Variants in ASIC2 observed in about 807,000 individuals in gnomAD.
ASIC2 encodes the protein acid sensing ion channel subunit 2.
Under a neutral mutation model 57.3 loss-of-function variants are expected in ASIC2, and 25 were observed. The ratio of observed to expected loss-of-function variants is 0.44; its 90% CI spans 0.32 to 0.61. ASIC2 has a LOEUF of 0.61. ASIC2 is among the 20% of genes least tolerant of loss of function. The pLI, the probability that ASIC2 is intolerant of heterozygous loss-of-function variation, is 0.06. For missense variants in ASIC2, 641 were observed against 738.1 expected (o/e 0.87, Z 1.52); for synonymous variants, 319 against 307.5 (o/e 1.04, Z -0.39).
chr17:33,315,861 A>C (rs1453658755), intron 1 of ASIC2, among the ~76,000 whole-genome samples: 1 of 152,224 alleles, frequency 6.6e-6, no homozygotes, highest in Admixed American at 6.5e-5. Context: ...CTTTGACATC[A>C]AATAGACTTG....
chr17:33,458,675 A>C (rs2141994466), intron 1 of ASIC2, among the ~76,000 whole-genome samples: 1 of 152,286 alleles, frequency 6.6e-6, no homozygotes, highest in East Asian at 1.9e-4. Flanking sequence ...TCATAAAATG[A>C]TTATTGGTCA....
intron 1 of ASIC2, among the ~76,000 whole-genome samples, chr17:33,372,750 GC>G (rs1276976226): frequency 1.3e-5 from 2 of 152,198 alleles, no homozygotes; most frequent in African/African-American, 4.8e-5. Context: ...GGAGGTAACA[GC>G]TCCCAGTGGT....
intron 1 of ASIC2, among the ~76,000 whole-genome samples, chr17:33,717,679 A>C (rs556746433): frequency 6.6e-6 from 1 of 152,236 alleles, no homozygotes; most frequent in African/African-American, 2.4e-5. Context: ...CTAAGAGAGA[A>C]GAGCCACCCC....
chr17:33,296,017 A>G (rs1905705676), upstream of ASIC2, among the ~76,000 whole-genome samples: 1 of 152,042 alleles, frequency 6.6e-6, no homozygotes, highest in African/African-American at 2.4e-5. Context: ...TCCTTGGTGC[A>G]TGCACAGGAT....
At chr17:33,647,443 C>T (rs72811188) in intron 1 of ASIC2, among the ~76,000 whole-genome samples, 3,616 of 152,230 alleles carry the variant, frequency 0.024, 68 homozygotes, top group Non-Finnish European at 0.035. Context: ...GCACCACACC[C>T]CAAGACGCAG....
intron 4 of ASIC2, among the ~76,000 whole-genome samples, chr17:33,027,494 C>A (rs992757666): frequency 6.6e-6 from 1 of 152,228 alleles, no homozygotes; most frequent in Non-Finnish European, 1.5e-5. Context: ...TGCTAAATAA[C>A]AACCACTGAC....
At chr17:33,161,857 G>GTTTTTTTT (rs199823485) in intron 1 of ASIC2, among the ~76,000 whole-genome samples, 3 of 94,200 alleles carry the variant, frequency 3.2e-5, no homozygotes, top group Non-Finnish European at 6.2e-5. Flanking sequence ...GAATTCCTAG[G>GTTTTTTTT]TTTTTTTTTT....
At position 33,347,276 on chromosome 17, in the gene ASIC2, T is replaced by A. The variant is rs556280304; in HGVS notation, c.556-235209A>T. ...TTCAGTATGGAAATCTTAGAGAGTG[T>A]CTACCTAATTGCATTCAAGTATGTG... is the stretch of plus-strand genomic sequence containing the variant. On this transcript the variant is annotated intron_variant, in intron 1 of 9. Coordinates refer to the ASIC2 transcript ENST00000359872. Among the ~76,000 whole-genome samples the A allele has an allele frequency of 5.9e-5, 9 of 152,334 alleles. No homozygotes were observed. In the East Asian group the frequency reaches 1.2e-3, roughly 20 times the overall value.
intron 1 of ASIC2, among the ~76,000 whole-genome samples, chr17:33,303,909 T>C (rs1015167563): frequency 6.6e-5 from 10 of 152,186 alleles, no homozygotes; most frequent in African/African-American, 1.2e-4. Flanking sequence ...TGCCTAACAT[T>C]GGTAAGTAAT....
chr17:34,032,867 T>C (rs561147557), intron 1 of ASIC2, among the ~76,000 whole-genome samples: 3 of 152,152 alleles, frequency 2.0e-5, no homozygotes, highest in African/African-American at 7.2e-5. Flanking sequence ...ATAAAGTAAG[T>C]CCTTAATGAC....
intron 2 of ASIC2, among the ~76,000 whole-genome samples, chr17:33,092,016 AG>A (rs1178767081): frequency 6.6e-6 from 1 of 152,208 alleles, no homozygotes; most frequent in Admixed American, 6.5e-5. Flanking sequence ...TCCAGCTATG[AG>A]CAGACTACAG....
intron 1 of ASIC2, among the ~76,000 whole-genome samples, chr17:33,755,351 A>C (rs114556482): frequency 1.5e-3 from 226 of 152,352 alleles, no homozygotes; most frequent in African/African-American, 5.3e-3. Flanking sequence ...GTCTAGAGCC[A>C]TAAGACCCTA....
At chr17:33,718,420 C>T (rs1909289043) in intron 1 of ASIC2, among the ~76,000 whole-genome samples, 1 of 151,582 alleles carries the variant, frequency 6.6e-6, no homozygotes. Context: ...CCAGAGAGAA[C>T]TCAAGAGAGG....
chr17:34,106,114 T>C (rs750556522), intron 1 of ASIC2, among the ~76,000 whole-genome samples: 1 of 152,116 alleles, frequency 6.6e-6, no homozygotes, highest in Non-Finnish European at 1.5e-5. Flanking sequence ...ACAGCCCTAC[T>C]ACCATTTAAT....
intron 1 of ASIC2, among the ~76,000 whole-genome samples, chr17:33,410,360 G>C (rs1016929541): frequency 6.6e-6 from 1 of 152,214 alleles, no homozygotes; most frequent in Non-Finnish European, 1.5e-5. Context: ...TAAGGGTTTA[G>C]AAACGTACAT....
chr17:33,376,425 T>C (rs1909280409), intron 1 of ASIC2, among the ~76,000 whole-genome samples: 1 of 152,158 alleles, frequency 6.6e-6, no homozygotes, highest in African/African-American at 2.4e-5. Context: ...TTGTTACATA[T>C]GTATACATGT....
Position 34,087,157 on chromosome 17 carries a change from C to A in ASIC2, c.555+68821G>T, listed in dbSNP as rs973832175. ...TCTCGATGGTCTTTACATTTTGGCA[C>A]GATTTTGCAGTGGCTGGTACCGGTT... is the stretch of plus-strand genomic sequence containing the variant. On this transcript the variant is annotated intron_variant, in intron 1 of 9. Transcript: ENST00000359872. Among the ~76,000 whole-genome samples, 43 of 151,908 alleles carry A rather than the reference C, an allele frequency of 2.8e-4. No homozygotes were observed. The East Asian group carries it at 4.3e-3, about 15-fold the overall frequency.
chr17:33,338,868 G>A (rs773781914), intron 1 of ASIC2, among the ~76,000 whole-genome samples: 1 of 152,184 alleles, frequency 6.6e-6, no homozygotes, highest in Non-Finnish European at 1.5e-5. Context: ...CTTATATGTA[G>A]CATCTAGAGT....
At chr17:33,646,296 G>T (rs1169834732) in intron 1 of ASIC2, among the ~76,000 whole-genome samples, 1 of 152,150 alleles carries the variant, frequency 6.6e-6, no homozygotes, top group African/African-American at 2.4e-5. Flanking sequence ...TGGATTGTGG[G>T]CATAAGACTT....
Sources: allele counts gnomAD v4.1 joint callset (sites outside exome capture counted in the v4.1 genomes callset), GRCh38; gene constraint gnomAD v4.1.1; transcripts MANE v1.5; gene names NCBI Gene and HGNC (gene_info 2026-07-23, HGNC 2026-07-21).